Variants in SEMA4B observed in about 807,000 individuals in gnomAD.
The protein encoded by SEMA4B is semaphorin 4B.
In SEMA4B, 55 loss-of-function variants were observed where a neutral mutation model predicts 88.1. That is an observed-to-expected ratio of 0.62 (90% CI 0.50 to 0.78). The LOEUF is 0.78. SEMA4B is among the 30% of genes least tolerant of loss of function. SEMA4B has a pLI of 0.00. For synonymous variants in SEMA4B, 525 were observed against 473.6 expected, an observed-to-expected ratio of 1.11 and a Z score of -1.41; for missense variants, 1,062 against 1,111.9, an observed-to-expected ratio of 0.96 and a Z score of 0.64.
intron 1 of SEMA4B, among the ~76,000 whole-genome samples, chr15:90,202,208 C>T (rs1156443286): frequency 6.6e-6 from 1 of 152,268 alleles, no homozygotes; most frequent in African/African-American, 2.4e-5. Context: ...CCTCCCTCTC[C>T]GCCCCTCCAT....
chr15:90,224,043 C>A (rs991621538), intron 9 of SEMA4B, 55 bp downstream of exon 9: 4 of 1,552,434 alleles, frequency 2.6e-6, no homozygotes, highest in Non-Finnish European at 3.5e-6. Flanking sequence ...TGGGTCCCCA[C>A]ACCATGCTGG....
In SEMA4B at chr15:90,228,014, G is replaced by A. The variant is rs759137292; in HGVS notation, c.1885G>A (p.Val629Ile). ...TRLWLRNGAP[V>I]NASASCHVLP... is the part of the protein sequence containing the mutation. ...ACTCTGGCTACGCAACGGGGCCCCC[G>A]TCAATGCCTCGGCCTCCTGCCACGT... Residue 629 changes from valine (V) to isoleucine (I), a missense_variant, in exon 14 of 14, where the codon GTC becomes ATC. Coordinates refer to ENST00000411539, the MANE Select transcript of SEMA4B (RefSeq NM_198925.4). 44 of 1,613,796 alleles carry A rather than the reference G, an allele frequency of 2.7e-5. No individual in the cohort carries two copies. The highest frequency in any genetic ancestry group is 1.2e-4 in the Admixed American group (7 of 59,996).
In SEMA4B at chr15:90,225,728, G is replaced by A. The variant is rs771614046; in HGVS notation, c.1589G>A (p.Arg530Lys). 2.5e-6 allele frequency: 4 copies of A among 1,572,090 alleles called. No individual in the cohort carries two copies. The highest frequency in any genetic ancestry group is 1.8e-5 in the Admixed American group (1 of 54,682). ...QVPMANCSLY[R>K]SCGDCLLARD... is the part of the protein sequence containing the mutation. ...CCCATGGCCAACTGCAGCCTGTACA[G>A]GAGCTGTGGGGACTGCCTCCTCGCC... The change falls in exon 12 of 14, where the codon AGG (arginine) becomes AAG (lysine). Residue 530 changes from arginine (R) to lysine (K), a missense_variant. Arg to Lys is a conservative substitution (Grantham distance 26). Transcript: ENST00000411539.
intron 9 of SEMA4B, 129 bp from the exon 10 acceptor site, chr15:90,224,839 C>T (rs1353753710): frequency 2.6e-6 from 2 of 755,546 alleles, no homozygotes; most frequent in Non-Finnish European, 4.6e-6. Context: ...CTGTAGAGCA[C>T]TGCCAGGGAT....
At chr15:90,205,793 G>C (rs1239147376) in intron 1 of SEMA4B, among the ~76,000 whole-genome samples, 1 of 152,186 alleles carries the variant, frequency 6.6e-6, no homozygotes, top group Non-Finnish European at 1.5e-5. Flanking sequence ...GCCTGCCCTG[G>C]TAGAAAAGAC....
At chr15:90,216,977 T>G (rs1003721126) in intron 1 of SEMA4B, 1 of 153,462 alleles carries the variant, frequency 6.5e-6, no homozygotes, top group Non-Finnish European at 1.5e-5. Context: ...AAATGTATTT[T>G]CCTTTCTTAA....
upstream of SEMA4B, chr15:90,201,278 G>T: frequency 9.1e-7 from 1 of 1,096,102 alleles, no homozygotes; most frequent in Non-Finnish European, 1.1e-6. Context: ...GGGGAAGGGG[G>T]CGGGCCGGCC....
chr15:90,214,568 G>A (rs1245608406), intron 1 of SEMA4B, among the ~76,000 whole-genome samples: 1 of 146,136 alleles, frequency 6.8e-6, no homozygotes, highest in African/African-American at 2.5e-5. Context: ...GGGAGGCGGA[G>A]GTTGCGGTGA....
At chr15:90,198,375 G>T (rs1448730472), upstream of SEMA4B, among the ~76,000 whole-genome samples, 1 of 152,160 alleles carries the variant, frequency 6.6e-6, no homozygotes, top group Non-Finnish European at 1.5e-5. Context: ...CACTATTCTA[G>T]AGGCTTGAGA....
chr15:90,225,323 G>A lies in SEMA4B; in HGVS notation c.1447G>A (p.Val483Met). 3.2e-6 allele frequency: 5 copies of A among 1,558,932 alleles called. No individual in the cohort carries two copies. The highest frequency in any genetic ancestry group is 4.3e-6 in the Non-Finnish European group (5 of 1,152,054). ...CAAGGCAGTGAGCGTGGGCCCCCGG[G>A]TGCACATCATTGAGGAGCTGCAGAT... is the stretch of plus-strand genomic sequence containing the variant. ...LHKAVSVGPR[V>M]HIIEELQIFS... The change falls in exon 11 of 14, where the codon GTG (valine) becomes ATG (methionine). Residue 483 changes from valine (V) to methionine (M), a missense_variant. Coordinates refer to ENST00000411539, the MANE Select transcript of SEMA4B (RefSeq NM_198925.4).
chr15:90,199,464 G>T (rs547646354), upstream of SEMA4B, among the ~76,000 whole-genome samples: 1 of 152,124 alleles, frequency 6.6e-6, no homozygotes, highest in African/African-American at 2.4e-5. Flanking sequence ...TTTTTGAGAA[G>T]GGGGAGAGAT....
rs1160121730 is a variant in SEMA4B at position 90,225,741 on chromosome 15, C to T, written c.1602C>T (p.Asp534=). The change falls in exon 12 of 14, where the codon GAC becomes GAT. Residue 534 remains aspartate (D), a synonymous_variant. Transcript: ENST00000411539. ...ANCSLYRSCG[D]CLLARDPYCA... ...GCAGCCTGTACAGGAGCTGTGGGGA[C>T]TGCCTCCTCGCCCGGGACCCCTACT... 1.3e-6 allele frequency: 2 copies of T among 1,575,244 alleles called. No homozygotes were observed. The highest frequency in any genetic ancestry group is 1.8e-5 in the Admixed American group (1 of 55,328).
chr15:90,189,476 T>C (rs1272756387), intron 1 of SEMA4B, among the ~76,000 whole-genome samples: 1 of 152,184 alleles, frequency 6.6e-6, no homozygotes, highest in Non-Finnish European at 1.5e-5. Flanking sequence ...CACCCTGTAG[T>C]GAGAATTAAG....
chr15:90,194,261 G>A (rs750306276), intron 1 of SEMA4B, among the ~76,000 whole-genome samples: 7 of 152,058 alleles, frequency 4.6e-5, no homozygotes, highest in Non-Finnish European at 8.8e-5. Context: ...GCCAGGCGTG[G>A]TGGCTCACAC....
upstream of SEMA4B, among the ~76,000 whole-genome samples, chr15:90,199,933 A>G (rs186581913): frequency 1.3e-5 from 2 of 152,218 alleles, no homozygotes; most frequent in East Asian, 3.9e-4. Context: ...GAACCCATTT[A>G]GAGTAAGCAT....
intron 4 of SEMA4B, among the ~76,000 whole-genome samples, 166 bp from the exon 5 acceptor site, chr15:90,220,816 C>G (rs935322161): frequency 2.4e-4 from 36 of 152,160 alleles, no homozygotes; most frequent in Non-Finnish European, 4.6e-4. Flanking sequence ...CCTTCGGCAC[C>G]GTGTCCTGGC....
chr15:90,189,178 G>A (rs1960273528), intron 1 of SEMA4B, among the ~76,000 whole-genome samples: 1 of 151,988 alleles, frequency 6.6e-6, no homozygotes, highest in Non-Finnish European at 1.5e-5. Context: ...AGGGAAGGAA[G>A]GGAGAGGAGA....
intron 1 of SEMA4B, chr15:90,185,168 C>T (rs1473482509): frequency 1.4e-6 from 1 of 708,106 alleles, no homozygotes; most frequent in Admixed American, 6.3e-5. Context: ...CCGCTGCCCC[C>T]ACCCTTGCAC....
At chr15:90,201,311 T>G, upstream of SEMA4B, 1 of 1,142,824 alleles carries the variant, frequency 8.8e-7, no homozygotes, top group Non-Finnish European at 1.1e-6. Flanking sequence ...GACTTCCTCC[T>G]TCAGCCCCGC....
Sources: allele counts gnomAD v4.1 joint callset (sites outside exome capture counted in the v4.1 genomes callset), GRCh38; gene constraint gnomAD v4.1.1; transcripts MANE v1.5; gene names NCBI Gene and HGNC (gene_info 2026-07-23, HGNC 2026-07-21).